FSIP1: variants seen among roughly 807,000 people sequenced by gnomAD.
FSIP1 encodes fibrous sheath-interacting protein 1.
A neutral mutation model predicts 60.9 loss-of-function variants in FSIP1; 65 were observed. The ratio of observed to expected loss-of-function variants is 1.07; its 90% CI spans 0.87 to 1.31. The LOEUF is 1.31. Among genes scored for constraint, FSIP1 ranks in the 40% most tolerant of loss-of-function variants. The pLI is 0.00. For synonymous variants in FSIP1, 209 were observed against 221.2 expected, an observed-to-expected ratio of 0.94 and a Z score of 0.49; for missense variants, 675 against 665.5, an observed-to-expected ratio of 1.01 and a Z score of -0.16.
rs371696083 is a variant in FSIP1 at position 39,695,143 on chromosome 15, G to C, written c.1188+18301C>G. Among the ~76,000 whole-genome samples, 12 of 152,070 alleles carry C rather than the reference G, an allele frequency of 7.9e-5. No homozygotes were observed. The East Asian group carries it at 1.7e-3, about 22-fold the overall frequency. The stretch of plus-strand genomic sequence containing the variant: ...CTATTTTCTTAAACTGCATGCAATA[G>C]GCATGCCATGCCCACCATTTTGAAA... On this transcript the variant is annotated intron_variant, in intron 10 of 11. Coordinates refer to ENST00000350221, the MANE Select transcript of FSIP1 (RefSeq NM_152597.5).
intron 8 of FSIP1, among the ~76,000 whole-genome samples, chr15:39,732,619 CAAAAAAAAA>C (rs56106819): frequency 6.2e-5 from 5 of 80,134 alleles, no homozygotes; most frequent in Admixed American, 1.3e-4. Context: ...AACTCCATCT[CAAAAAAAAA>C]AAAAAAAAAA....
At chr15:39,681,599 A>G (rs1340225453) in intron 10 of FSIP1, among the ~76,000 whole-genome samples, 1 of 152,194 alleles carries the variant, frequency 6.6e-6, no homozygotes, top group Non-Finnish European at 1.5e-5. Flanking sequence ...TTCCAACTAT[A>G]TTATTCCAAT....
chr15:39,695,986 G>T (rs148415899), intron 10 of FSIP1, among the ~76,000 whole-genome samples: 1 of 152,222 alleles, frequency 6.6e-6, no homozygotes, highest in Non-Finnish European at 1.5e-5. Flanking sequence ...AACATAATTA[G>T]ATGGTGATTT....
At chr15:39,729,151 T>C (rs1164066921) in intron 8 of FSIP1, among the ~76,000 whole-genome samples, 1 of 152,210 alleles carries the variant, frequency 6.6e-6, no homozygotes, top group African/African-American at 2.4e-5. Context: ...GAATGTAAAT[T>C]AGTTCAGCCA....
intron 6 of FSIP1, 52 bp downstream of exon 6, chr15:39,741,753 C>T: frequency 1.1e-6 from 1 of 871,706 alleles, no homozygotes; most frequent in Non-Finnish European, 1.9e-6. Context: ...TTTCTGTATA[C>T]AGCCAGTATT....
chr15:39,701,470 G>T (rs550308571), intron 10 of FSIP1, among the ~76,000 whole-genome samples: 1 of 152,230 alleles, frequency 6.6e-6, no homozygotes, highest in African/African-American at 2.4e-5. Context: ...TCTCTGACTG[G>T]TTTGAAAAAC....
chr15:39,643,077 T>C (rs974080981), intron 10 of FSIP1, among the ~76,000 whole-genome samples: 1 of 152,242 alleles, frequency 6.6e-6, no homozygotes, highest in Non-Finnish European at 1.5e-5. Context: ...TGTAGCAGTA[T>C]AATTAATCCT....
At chr15:39,772,648 T>C (rs541295941) in intron 2 of FSIP1, among the ~76,000 whole-genome samples, 16 of 151,144 alleles carry the variant, frequency 1.1e-4, no homozygotes, top group Admixed American at 7.2e-4. Context: ...TGGAGTGCAG[T>C]GGTGCGATAT....
chr15:39,715,981 A>G (rs1329013518), intron 9 of FSIP1, among the ~76,000 whole-genome samples: 2 of 152,206 alleles, frequency 1.3e-5, no homozygotes, highest in African/African-American at 2.4e-5. Context: ...CCTCCTGTAC[A>G]GCCTGCAGAA....
At chr15:39,642,923 A>G (rs1892436832) in intron 10 of FSIP1, among the ~76,000 whole-genome samples, 1 of 152,186 alleles carries the variant, frequency 6.6e-6, no homozygotes, top group Non-Finnish European at 1.5e-5. Flanking sequence ...TTTTCCCAGG[A>G]GTTTTAGAGA....
chr15:39,616,764 C>T (rs181347892), intron 11 of FSIP1, among the ~76,000 whole-genome samples: 200 of 152,288 alleles, frequency 1.3e-3, no homozygotes, highest in African/African-American at 4.4e-3. Context: ...CAAAGCTGTG[C>T]TTTAAGGAAA....
Position 39,770,718 on chromosome 15 carries a change from TA to T in FSIP1, c.127-109del, listed in dbSNP as rs1897857636. On this transcript the variant is annotated intron_variant, in intron 2 of 11. Transcript: ENST00000350221. ...AATGGAAGCAGATGGAGAATGTACA[TA>T]AATGCATACACTAGCATTAAAGTAT... 4 of 616,406 alleles carry T rather than the reference TA, an allele frequency of 6.5e-6. No homozygotes were observed. In the East Asian group the frequency reaches 1.2e-4, roughly 18 times the overall value. The allele number at this position is 616,406 out of a possible 1,614,324, so 38.2% of individuals were successfully genotyped here. A position where few individuals can be genotyped will look rare whatever the true frequency, so the allele number is the denominator to read the frequency against.
rs143231364 is a variant in FSIP1 at position 39,661,495 on chromosome 15, A to C, written c.1189-43250T>G. Among the ~76,000 whole-genome samples, 1,405 of 152,334 alleles carry C rather than the reference A, an allele frequency of 9.2e-3. 28 individuals carry two copies. Among genetic ancestry groups the C allele is most frequent in the African/African-American group, 0.033 (1,353 of 41,570 alleles). ...AGGACCTAATAACATGATTACATTA[A>C]GAAAAAATATGAATTATATGAAAAT... On this transcript the variant is annotated intron_variant, in intron 10 of 11. Coordinates refer to ENST00000350221, the MANE Select transcript of FSIP1 (RefSeq NM_152597.5).
At chr15:39,620,080 CA>C (rs36102767) in intron 10 of FSIP1, among the ~76,000 whole-genome samples, 1 of 150,182 alleles carries the variant, frequency 6.7e-6, no homozygotes, top group African/African-American at 2.4e-5. Flanking sequence ...AAAAGTTTTA[CA>C]AAAAAAAGGA....
At chr15:39,715,702 C>T (rs1895712362) in intron 9 of FSIP1, among the ~76,000 whole-genome samples, 1 of 152,088 alleles carries the variant, frequency 6.6e-6, no homozygotes, top group South Asian at 2.1e-4. Flanking sequence ...GAATTGTAAC[C>T]CCCAGTGTTG....
At chr15:39,719,029 A>G (rs1020334031) in intron 9 of FSIP1, among the ~76,000 whole-genome samples, 1 of 152,194 alleles carries the variant, frequency 6.6e-6, no homozygotes, top group Non-Finnish European at 1.5e-5. Flanking sequence ...AAGGATATAT[A>G]ACAGCTTTCT....
At chr15:39,670,416 TA>T (rs1893670462) in intron 10 of FSIP1, among the ~76,000 whole-genome samples, 1 of 152,232 alleles carries the variant, frequency 6.6e-6, no homozygotes, top group African/African-American at 2.4e-5. Context: ...ATATTAAAAA[TA>T]AATGAAAAGA....
intron 10 of FSIP1, among the ~76,000 whole-genome samples, chr15:39,619,063 C>T (rs1253079040): frequency 2.0e-5 from 3 of 152,068 alleles, no homozygotes; most frequent in East Asian, 3.8e-4. Context: ...AAGAAGTCCC[C>T]ATAAGAAAAC....
At chr15:39,636,125 T>C (rs528862403) in intron 10 of FSIP1, among the ~76,000 whole-genome samples, 30 of 152,296 alleles carry the variant, frequency 2.0e-4, no homozygotes, top group African/African-American at 6.5e-4. Context: ...TGACAGAATT[T>C]CTAGCAGCTC....
Sources: allele counts gnomAD v4.1 joint callset (sites outside exome capture counted in the v4.1 genomes callset), GRCh38; gene constraint gnomAD v4.1.1; transcripts MANE v1.5; gene names NCBI Gene and HGNC (gene_info 2026-07-23, HGNC 2026-07-21).